The following CD59 variants were observed in gnomAD, a reference collection of about 807,000 sequenced individuals.
CD59 encodes CD59 glycoprotein.
Under a neutral mutation model 7.0 loss-of-function variants are expected in CD59, and 3 were observed. The observed-to-expected ratio is 0.43, with a 90% CI of 0.19 to 1.10. CD59 has a LOEUF of 1.10. Ranked by LOEUF, CD59 falls within the 50% of genes least tolerant of loss-of-function variation. CD59 has a pLI of 0.29. For missense variants in CD59, 143 were observed against 151.0 expected (o/e 0.95, Z 0.28); for synonymous variants, 60 against 62.0 (o/e 0.97, Z 0.15).
intron 1 of CD59, among the ~76,000 whole-genome samples, chr11:33,723,419 G>C (rs945770254): frequency 6.6e-6 from 1 of 152,190 alleles, no homozygotes. Flanking sequence ...CTGCTACTTA[G>C]GAATTTGCTG....
chr11:33,727,600 T>C (rs914049141), intron 1 of CD59, among the ~76,000 whole-genome samples: 2 of 152,250 alleles, frequency 1.3e-5, no homozygotes, highest in African/African-American at 4.8e-5. Context: ...GCATTCCCCT[T>C]GAAAACTGGC....
At position 33,707,350 on chromosome 11, in the gene CD59, G is replaced by GACAC. The variant is rs1482508806; in HGVS notation, c.*2775_*2776insGTGT. The GACAC allele has an allele frequency of 1.3e-5, 2 of 152,202 alleles. No homozygotes were observed. The highest frequency in any genetic ancestry group is 2.9e-5 in the Non-Finnish European group (2 of 68,036). The allele number at this position is 152,202 out of a possible 1,614,324, so 9.4% of individuals were successfully genotyped here. A position where few individuals can be genotyped will look rare whatever the true frequency, so the allele number is the denominator to read the frequency against. The stretch of plus-strand genomic sequence containing the variant: ...TCTTATTTTTTCAGGACACACATAA[G>GACAC]ACATGGGGGCTAACTGCAAGGACAC... On this transcript the variant is annotated 3_prime_UTR_variant, in exon 4 of 4. Coordinates refer to ENST00000642928, the MANE Select transcript of CD59 (RefSeq NM_000611.6).
At chr11:33,716,189 T>C (rs1332486868) in intron 3 of CD59, among the ~76,000 whole-genome samples, 1 of 152,208 alleles carries the variant, frequency 6.6e-6, no homozygotes, top group Non-Finnish European at 1.5e-5. Flanking sequence ...CTAAACTATA[T>C]CAAATTTATC....
At chr11:33,715,616 A>C (rs367602648) in intron 3 of CD59, among the ~76,000 whole-genome samples, 7 of 152,218 alleles carry the variant, frequency 4.6e-5, no homozygotes, top group South Asian at 2.1e-4. Flanking sequence ...GAAAAAAAAA[A>C]CCAGAAAAAC....
intron 3 of CD59, among the ~76,000 whole-genome samples, chr11:33,713,246 A>G (rs1489616456): frequency 6.6e-6 from 1 of 152,192 alleles, no homozygotes; most frequent in African/African-American, 2.4e-5. Flanking sequence ...AAAATAACTG[A>G]GTGCCTGTGT....
At chr11:33,730,348 G>A (rs1336350264) in intron 1 of CD59, among the ~76,000 whole-genome samples, 1 of 152,082 alleles carries the variant, frequency 6.6e-6, no homozygotes, top group African/African-American at 2.4e-5. Context: ...CTGGGAGGTT[G>A]AGGCTGCAGT....
Position 33,705,697 on chromosome 11 carries a change from G to A in CD59, c.*4429C>T, listed in dbSNP as rs556345431. ...CCAGCTTGCAGACGGCCTATTGTGCGACTTCGCCTTCTAACTGTGGGAGCC... is the reference window on the plus strand; with the variant it reads ...CCAGCTTGCAGACGGCCTATTGTGCAACTTCGCCTTCTAACTGTGGGAGCC... On this transcript the variant is annotated 3_prime_UTR_variant, in exon 4 of 4. Transcript: ENST00000642928. The A allele has an allele frequency of 3.3e-5, 5 of 152,312 alleles. No individual in the cohort carries two copies. The highest frequency in any genetic ancestry group is 2.0e-4 in the Admixed American group (3 of 15,296). 9.4% of individuals were successfully genotyped at this position (152,312 alleles called of 1,614,324 possible). A position where few individuals can be genotyped will look rare whatever the true frequency, so the allele number is the denominator to read the frequency against.
In CD59 at chr11:33,706,830, G is replaced by A. The variant is rs1004734863; in HGVS notation, c.*3296C>T. The A allele has an allele frequency of 6.6e-6, 1 of 152,196 alleles. No homozygotes were observed. Among genetic ancestry groups the A allele is most frequent in the Non-Finnish European group, 1.5e-5 (1 of 68,034 alleles). The allele number at this position is 152,196 out of a possible 1,614,324, so 9.4% of individuals were successfully genotyped here. On this transcript the variant is annotated 3_prime_UTR_variant, in exon 4 of 4. Coordinates refer to ENST00000642928, the MANE Select transcript of CD59 (RefSeq NM_000611.6). ...CACTTTGTTTTCTTTTCCAAAAAGA[G>A]GCAGAAACTGATTTCTTCAAAGTAA...
At chr11:33,715,156 AAC>A (rs369745582) in intron 3 of CD59, among the ~76,000 whole-genome samples, 8 of 152,080 alleles carry the variant, frequency 5.3e-5, no homozygotes, top group Non-Finnish European at 1.2e-4. Context: ...ACAAACCAGT[AAC>A]ACATTTATTA....
At chr11:33,711,885 T>C (rs957905229) in intron 3 of CD59, among the ~76,000 whole-genome samples, 3 of 152,052 alleles carry the variant, frequency 2.0e-5, no homozygotes, top group Admixed American at 6.5e-5. Context: ...GTGGAAAAAA[T>C]TGGAACCCTC....
Position 33,709,645 on chromosome 11 carries a change from C to T in CD59, c.*481G>A, listed in dbSNP as rs1215396650. 8.9e-6 allele frequency: 2 copies of T among 224,294 alleles called. No homozygotes were observed. The highest frequency in any genetic ancestry group is 1.8e-5 in the Non-Finnish European group (2 of 111,868). 13.9% of individuals were successfully genotyped at this position (224,294 alleles called of 1,614,324 possible). A position where few individuals can be genotyped will look rare whatever the true frequency, so the allele number is the denominator to read the frequency against. On this transcript the variant is annotated 3_prime_UTR_variant, in exon 4 of 4. Coordinates refer to ENST00000642928, the MANE Select transcript of CD59 (RefSeq NM_000611.6). ...AGGATCTTGTTGTCCCTGACTGACACCCACATATGGAACATTTGGCATGCC... is the reference window on the plus strand; with the variant it reads ...AGGATCTTGTTGTCCCTGACTGACATCCACATATGGAACATTTGGCATGCC...
At chr11:33,713,744 T>C (rs1590519678) in intron 3 of CD59, among the ~76,000 whole-genome samples, 1 of 152,254 alleles carries the variant, frequency 6.6e-6, no homozygotes, top group African/African-American at 2.4e-5. Flanking sequence ...ATTAATCATT[T>C]ACTATGTGTC....
At chr11:33,724,026 T>C (rs983022705) in intron 1 of CD59, among the ~76,000 whole-genome samples, 2 of 152,170 alleles carry the variant, frequency 1.3e-5, no homozygotes, top group African/African-American at 4.8e-5. Flanking sequence ...GGAGGATCGC[T>C]TGAGCCCAGG....
At chr11:33,713,760 G>A (rs757063128) in intron 3 of CD59, among the ~76,000 whole-genome samples, 20 of 152,220 alleles carry the variant, frequency 1.3e-4, no homozygotes, top group Non-Finnish European at 2.6e-4. Flanking sequence ...GTGTCGTGCA[G>A]CGTACCAAAG....
In CD59 at chr11:33,707,555, A is replaced by C. The variant is rs1183302767; in HGVS notation, c.*2571T>G. 2 of 152,244 alleles carry C rather than the reference A, an allele frequency of 1.3e-5. No individual in the cohort carries two copies. Among genetic ancestry groups the C allele is most frequent in the Non-Finnish European group, 2.9e-5 (2 of 68,068 alleles). The allele number at this position is 152,244 out of a possible 1,614,324, so 9.4% of individuals were successfully genotyped here. A position where few individuals can be genotyped will look rare whatever the true frequency, so the allele number is the denominator to read the frequency against. ...ATGGGCTTATCACCACCCAATACTG[A>C]ACACTATGACAGTTCCTGTAAATCC... On this transcript the variant is annotated 3_prime_UTR_variant, in exon 4 of 4. Coordinates refer to ENST00000642928, the MANE Select transcript of CD59 (RefSeq NM_000611.6).
At position 33,726,022 on chromosome 11, in the gene CD59, C is replaced by T. The variant is rs565021522; in HGVS notation, c.-18-3559G>A. Among the ~76,000 whole-genome samples the T allele has an allele frequency of 2.0e-4, 31 of 152,238 alleles. No individual in the cohort carries two copies. In the South Asian group the frequency reaches 5.2e-3, roughly 25 times the overall value. On this transcript the variant is annotated intron_variant, in intron 1 of 3. Transcript: ENST00000642928. Reference sequence around the variant, plus strand: ...TGCACCCAACACAGGAGCACCTAGACGCATAAAGCAAGTTCTTAGAGACCT... The same window carrying T: ...TGCACCCAACACAGGAGCACCTAGATGCATAAAGCAAGTTCTTAGAGACCT...
At chr11:33,730,028 T>C (rs1295951099) in intron 1 of CD59, among the ~76,000 whole-genome samples, 2 of 152,186 alleles carry the variant, frequency 1.3e-5, no homozygotes, top group African/African-American at 4.8e-5. Flanking sequence ...CCTAGAAATA[T>C]TTTTTAAAAT....
chr11:33,713,762 G>A (rs781012347), intron 3 of CD59, among the ~76,000 whole-genome samples: 3 of 152,174 alleles, frequency 2.0e-5, no homozygotes, highest in African/African-American at 7.2e-5. Flanking sequence ...GTCGTGCAGC[G>A]TACCAAAGTG....
chr11:33,726,482 G>A (rs2133566312), intron 1 of CD59, among the ~76,000 whole-genome samples: 1 of 152,288 alleles, frequency 6.6e-6, no homozygotes, highest in East Asian at 1.9e-4. Context: ...AAACCAATGA[G>A]AACAAAGACA....
Sources: allele counts gnomAD v4.1 joint callset (sites outside exome capture counted in the v4.1 genomes callset), GRCh38; gene constraint gnomAD v4.1.1; transcripts MANE v1.5; gene names NCBI Gene and HGNC (gene_info 2026-07-23, HGNC 2026-07-21).